The following DDX6 variants were observed in gnomAD, a reference collection of about 807,000 sequenced individuals.
DDX6 encodes the protein DEAD-box helicase 6, also known as probable ATP-dependent RNA helicase DDX6.
In DDX6, 7 loss-of-function variants were observed where a neutral mutation model predicts 60.6. The ratio of observed to expected loss-of-function variants is 0.12; its 90% CI spans 0.07 to 0.22. The LOEUF (loss-of-function observed/expected upper bound fraction) is 0.22. DDX6 is among the 10% of genes least tolerant of loss of function. The pLI, the probability that DDX6 is intolerant of heterozygous loss-of-function variation, is 1.00. For synonymous variants in DDX6, 207 were observed against 201.0 expected (o/e 1.03, Z -0.25); for missense variants, 270 against 589.9 (o/e 0.46, Z 5.62).
chr11:118,782,075 T>C (rs781909122), intron 2 of DDX6, among the ~76,000 whole-genome samples: 2 of 152,154 alleles, frequency 1.3e-5, no homozygotes, highest in African/African-American at 2.4e-5. Context: ...TAGCCAGCCA[T>C]GGTGGCATGT....
chr11:118,775,613 A>G (rs2137510643), intron 4 of DDX6, among the ~76,000 whole-genome samples: 1 of 152,324 alleles, frequency 6.6e-6, no homozygotes, highest in East Asian at 1.9e-4. Flanking sequence ...ATACCTTGCT[A>G]TTTCAAAATA....
chr11:118,770,566 GAAC>G (rs1395802309), intron 4 of DDX6, among the ~76,000 whole-genome samples: 13 of 152,088 alleles, frequency 8.5e-5, no homozygotes, highest in Non-Finnish European at 2.9e-5. Flanking sequence ...CATATGGTCA[GAAC>G]AACACAGCTG....
intron 2 of DDX6, among the ~76,000 whole-genome samples, chr11:118,785,047 C>T (rs1220545985): frequency 1.3e-5 from 2 of 152,166 alleles, no homozygotes; most frequent in Non-Finnish European, 2.9e-5. Context: ...GGACTACAGG[C>T]GTGTGCCACT....
At chr11:118,780,810 A>G (rs911334030) in intron 3 of DDX6, among the ~76,000 whole-genome samples, 1 of 152,192 alleles carries the variant, frequency 6.6e-6, no homozygotes, top group Non-Finnish European at 1.5e-5. Context: ...TCTTTGTTGT[A>G]AAGGGCTGTC....
At chr11:118,759,112 TG>T in intron 8 of DDX6, 1 of 533,054 alleles carries the variant, frequency 1.9e-6, no homozygotes, top group Non-Finnish European at 3.1e-6. Flanking sequence ...CAGGCTGGAG[TG>T]TAGTGGCACG....
At chr11:118,789,382 C>T (rs1251306202) in intron 1 of DDX6, 2 of 152,040 alleles carry the variant, frequency 1.3e-5, no homozygotes, top group Non-Finnish European at 2.9e-5. Flanking sequence ...CCAGCAACCC[C>T]GTTACATTTC....
At chr11:118,759,598 T>C (rs560735323) in intron 8 of DDX6, among the ~76,000 whole-genome samples, 3 of 152,312 alleles carry the variant, frequency 2.0e-5, no homozygotes, top group South Asian at 2.1e-4. Flanking sequence ...CTGCAGTATT[T>C]TGGATTTCAG....
At chr11:118,775,240 C>T (rs1482341214) in intron 4 of DDX6, among the ~76,000 whole-genome samples, 2 of 152,060 alleles carry the variant, frequency 1.3e-5, no homozygotes, top group Non-Finnish European at 2.9e-5. Context: ...CGCTTGAACC[C>T]GGGAGGCAGA....
At position 118,766,105 on chromosome 11, in the gene DDX6, A is replaced by G. The variant is rs1555161252; in HGVS notation, c.500-750T>C. On this transcript the variant is annotated intron_variant, in intron 5 of 13. Transcript: ENST00000534980. The stretch of plus-strand genomic sequence containing the variant: ...AAAAAGAAAAGAAACACTGCCCCTT[A>G]TAATCTAGATACCGAGATGTATTAA... Among the ~76,000 whole-genome samples the G allele has an allele frequency of 3.3e-5, 5 of 152,170 alleles. No homozygotes were observed. In the South Asian group the frequency reaches 1.0e-3, roughly 32 times the overall value.
Position 118,754,727 on chromosome 11 carries a change from T to G in DDX6, c.1437A>C (p.Glu479Asp). Residue 479 changes from glutamate (E) to aspartate (D), a missense_variant, in exon 13 of 14, where the codon GAA becomes GAC. Around this residue, in one of 8 missense-constraint regions of DDX6, gnomAD observed 34 missense variants for 59.4 expected, o/e 0.57. Transcript: ENST00000534980. ...YVAEYHSEPV[E>D]DEKP ...TACATGCTTGTTAAGGTTTCTCATCTTCTACAGGCTCGCTGTGGTATTCTG... is the reference window on the plus strand; with the variant it reads ...TACATGCTTGTTAAGGTTTCTCATCGTCTACAGGCTCGCTGTGGTATTCTG... 6.2e-7 allele frequency: 1 copy of G among 1,608,428 alleles called. No homozygotes were observed. Among genetic ancestry groups the G allele is most frequent in the African/African-American group, 1.3e-5 (1 of 74,626 alleles).
intron 2 of DDX6, among the ~76,000 whole-genome samples, chr11:118,783,511 T>TA (rs1375039878): frequency 3.3e-5 from 5 of 152,040 alleles, no homozygotes; most frequent in Admixed American, 3.3e-4. Flanking sequence ...AAATAGAAAA[T>TA]ATTCTCATAG....
chr11:118,777,897 GAAAAAAA>G (rs374046858), intron 4 of DDX6, among the ~76,000 whole-genome samples: 1 of 99,650 alleles, frequency 1.0e-5, no homozygotes, highest in African/African-American at 4.0e-5. Context: ...TCAAAAAAGA[GAAAAAAA>G]AAAAAAAAAA....
chr11:118,783,739 G>A (rs1861978702), intron 2 of DDX6, among the ~76,000 whole-genome samples: 1 of 144,722 alleles, frequency 6.9e-6, no homozygotes, highest in African/African-American at 2.6e-5. Flanking sequence ...CCCAGGAGGT[G>A]CAGGTTGCAG....
chr11:118,759,091 GCT>G lies in DDX6; in HGVS notation c.865-191_865-190del. 1.8e-5 allele frequency: 12 copies of G among 677,448 alleles called. No individual in the cohort carries two copies. In the South Asian group the frequency reaches 2.4e-4, roughly 14 times the overall value. The allele number at this position is 677,448 out of a possible 1,614,324, so 42.0% of individuals were successfully genotyped here. On this transcript the variant is annotated intron_variant, in intron 8 of 13. Transcript: ENST00000534980. ...CCCTGCCACCCTGAGACAAAATCTT[GCT>G]CTGTCACCCAGGCTGGAGTGTAGTG...
At chr11:118,763,475 A>G (rs1861242073) in intron 6 of DDX6, among the ~76,000 whole-genome samples, 169 bp from the exon 7 acceptor site, 2 of 112,182 alleles carry the variant, frequency 1.8e-5, no homozygotes, top group Admixed American at 2.1e-4. Context: ...ATCTTATGGG[A>G]ACACCGACAT....
Position 118,752,104 on chromosome 11 carries a change from A to G in DDX6, c.*8-7T>C. The G allele has an allele frequency of 4.4e-6, 1 of 226,266 alleles. No individual in the cohort carries two copies. Among genetic ancestry groups the G allele is most frequent in the Non-Finnish European group, 9.1e-6 (1 of 110,204 alleles). The allele number at this position is 226,266 out of a possible 1,614,324, so 14.0% of individuals were successfully genotyped here. ...TTTTGTAATTTGTCAAAGCCTACAG[A>G]AGAAGAGAATACAAAATTAACATTC... On this transcript the variant is annotated splice_region_variant and splice_polypyrimidine_tract_variant and intron_variant, in intron 13 of 13. Transcript: ENST00000534980.
intron 9 of DDX6, among the ~76,000 whole-genome samples, chr11:118,758,552 T>C (rs781836743): frequency 1.3e-5 from 2 of 152,012 alleles, no homozygotes; most frequent in African/African-American, 2.4e-5. Flanking sequence ...TTGTATTTTG[T>C]AGTAGAGATG....
At chr11:118,769,562 G>T (rs1261819301) in intron 4 of DDX6, among the ~76,000 whole-genome samples, 1 of 152,114 alleles carries the variant, frequency 6.6e-6, no homozygotes, top group Admixed American at 6.6e-5. Flanking sequence ...TACAAAGAGA[G>T]GTCAGGAGTT....
chr11:118,776,336 G>A (rs1459927605), intron 4 of DDX6, among the ~76,000 whole-genome samples: 1 of 152,114 alleles, frequency 6.6e-6, no homozygotes, highest in Non-Finnish European at 1.5e-5. Context: ...ATATAGGTCA[G>A]GAGTCTAAGA....
Sources: allele counts gnomAD v4.1 joint callset (sites outside exome capture counted in the v4.1 genomes callset), GRCh38; gene constraint gnomAD v4.1.1; regional missense constraint gnomAD v4.1.1; transcripts MANE v1.5; gene names NCBI Gene and HGNC (gene_info 2026-07-23, HGNC 2026-07-21).